The following HLCS variants were observed in gnomAD, a reference collection of about 807,000 sequenced individuals.
The protein encoded by HLCS is holocarboxylase synthetase.
In HLCS, 53 loss-of-function variants were observed where a neutral mutation model predicts 75.0. The ratio of observed to expected loss-of-function variants is 0.71; its 90% confidence interval spans 0.57 to 0.89. The LOEUF is 0.89. Ranked by LOEUF, HLCS falls within the 40% of genes least tolerant of loss-of-function variation. HLCS has a pLI of 0.00. For missense variants in HLCS, 966 were observed against 1,074.0 expected, an observed-to-expected ratio of 0.90 and a Z score of 1.41; for synonymous variants, 431 against 428.6, an observed-to-expected ratio of 1.01 and a Z score of -0.07.
Position 36,896,873 on chromosome 21 carries a change from G to A in HLCS, c.1879C>T (p.Arg627Cys), listed in dbSNP as rs112518921. 1.2e-5 allele frequency: 20 copies of A among 1,613,954 alleles called. No homozygotes were observed. Among genetic ancestry groups the A allele is most frequent in the African/African-American group, 6.7e-5 (5 of 74,908 alleles). The change falls in exon 6 of 11, where the codon CGT becomes TGT. Residue 627 changes from arginine to cysteine, a missense_variant. Coordinates refer to ENST00000674895, the MANE Select transcript of HLCS (RefSeq NM_001352514.2). ...CTCACACCTTACCCATCCAGGAGAC[G>A]CATCGTTGTGGGGGTCACTTCGGCA... ...LFAEVTPTTM[R>C]LLDGLMFQTP...
chr21:36,889,953 T>C (rs1178543905), intron 6 of HLCS, among the ~76,000 whole-genome samples: 1 of 152,158 alleles, frequency 6.6e-6, no homozygotes, highest in Non-Finnish European at 1.5e-5. Context: ...AATCCCCAGG[T>C]GCCAAGGGAG....
chr21:36,758,155 G>A (rs2089678608), intron 9 of HLCS, among the ~76,000 whole-genome samples: 1 of 152,004 alleles, frequency 6.6e-6, no homozygotes, highest in Non-Finnish European at 1.5e-5. Flanking sequence ...TGCCCAGACT[G>A]GAGTGCAGTG....
At chr21:36,804,912 GA>G (rs1248450877) in intron 6 of HLCS, among the ~76,000 whole-genome samples, 4 of 152,222 alleles carry the variant, frequency 2.6e-5, no homozygotes, top group Admixed American at 2.6e-4. Flanking sequence ...TCTATCAGCT[GA>G]TATTTGACAC....
intron 6 of HLCS, among the ~76,000 whole-genome samples, chr21:36,824,008 G>A (rs2061930476): frequency 6.6e-6 from 1 of 152,130 alleles, no homozygotes; most frequent in South Asian, 2.1e-4. Flanking sequence ...AGCCAGGCAT[G>A]GTGGCTCACG....
rs1477559548 is a variant in HLCS at position 36,748,699 on chromosome 21, C to T, written c.*5547G>A. On this transcript the variant is annotated 3_prime_UTR_variant, in exon 11 of 11. Coordinates refer to ENST00000674895, the MANE Select transcript of HLCS (RefSeq NM_001352514.2). ...AACAAACCAAGACTAAGGGGGTGAC[C>T]ATGCAATTCCATTTTGTGTCTGTGA... The T allele has an allele frequency of 6.6e-6, 1 of 152,560 alleles. No homozygotes were observed. Among genetic ancestry groups the T allele is most frequent in the African/African-American group, 2.4e-5 (1 of 41,432 alleles). The allele number at this position is 152,560 out of a possible 1,614,324, so 9.5% of individuals were successfully genotyped here.
At position 36,936,972 on chromosome 21, in the gene HLCS, G is replaced by A. The variant is rs112176097; in HGVS notation, c.914C>T (p.Thr305Met). Residue 305 changes from threonine to methionine, a missense_variant, in exon 4 of 11, where the codon ACG becomes ATG. By Grantham distance (81) the Thr-to-Met change is moderately conservative (BLOSUM62 -1). Coordinates refer to ENST00000674895, the MANE Select transcript of HLCS (RefSeq NM_001352514.2). The stretch of plus-strand genomic sequence containing the variant: ...GAGGAGGATGTTGGGTGCCTTTCCC[G>A]TGAGGTTGACTCTCCTCCCTTCTCT... ...PEREGRRVNL[T>M]GKAPNILLYV... 780 of 1,614,110 alleles carry A rather than the reference G, an allele frequency of 4.8e-4. 3 individuals carry two copies. In the African/African-American group the frequency reaches 7.8e-3, roughly 16 times the overall value.
At chr21:36,775,193 G>A (rs980244721) in intron 6 of HLCS, among the ~76,000 whole-genome samples, 2 of 152,156 alleles carry the variant, frequency 1.3e-5, no homozygotes, top group South Asian at 4.1e-4. Context: ...CCCTTCTTAC[G>A]TTTTTGGCTA....
intron 8 of HLCS, among the ~76,000 whole-genome samples, chr21:36,760,069 C>G (rs752143567): frequency 2.6e-5 from 4 of 152,196 alleles, no homozygotes; most frequent in African/African-American, 4.8e-5. Context: ...CAGCATTCTT[C>G]CCCATCCCCC....
intron 6 of HLCS, 44 bp downstream of exon 6, chr21:36,896,816 G>T: frequency 1.2e-6 from 2 of 1,606,752 alleles, no homozygotes; most frequent in South Asian, 1.1e-5. Context: ...ATGATCAATG[G>T]AACAGGACTC....
At chr21:36,899,413 CA>C (rs888394977) in intron 5 of HLCS, among the ~76,000 whole-genome samples, 1 of 152,042 alleles carries the variant, frequency 6.6e-6, no homozygotes, top group African/African-American at 2.4e-5. Flanking sequence ...CACTTGAGGC[CA>C]GGAGTTCAAG....
chr21:36,969,254 A>G (rs2068719792), upstream of HLCS, among the ~76,000 whole-genome samples: 1 of 152,226 alleles, frequency 6.6e-6, no homozygotes, highest in Non-Finnish European at 1.5e-5. Flanking sequence ...ACAAAGGAAT[A>G]GGGGAAGGAT....
chr21:36,979,280 AAAAAAAAAG>A (rs532354694), intron 1 of HLCS, among the ~76,000 whole-genome samples: 3,345 of 151,672 alleles, frequency 0.022, 77 homozygotes, highest in African/African-American at 0.06. Context: ...CTCAAAAAAA[AAAAAAAAAG>A]AAAGAAAGAA....
intron 6 of HLCS, among the ~76,000 whole-genome samples, chr21:36,858,824 C>T (rs142015339): frequency 5.8e-4 from 89 of 152,280 alleles, no homozygotes; most frequent in African/African-American, 2.0e-3. Context: ...CCATGCACAA[C>T]GCACCAGAGG....
Position 36,936,827 on chromosome 21 carries a change from G to C in HLCS, c.1059C>G (p.Leu353=), listed in dbSNP as rs765699943. Residue 353 remains leucine, a synonymous_variant, in exon 4 of 11, where the codon CTC becomes CTG. Transcript: ENST00000674895. ...ILYHLLEDSA[L]RDPWTDNCLL... is the part of the protein sequence containing the mutation. ...GACAGTTGTCCGTCCACGGGTCTCT[G>C]AGAGCACTGTCCTCCAGCAGGTGGT... 1.9e-6 allele frequency: 3 copies of C among 1,614,168 alleles called. No homozygotes were observed. Among genetic ancestry groups the C allele is most frequent in the Non-Finnish European group, 1.7e-6 (2 of 1,180,030 alleles).
intron 6 of HLCS, among the ~76,000 whole-genome samples, chr21:36,879,538 G>A (rs2064122990): frequency 6.6e-6 from 1 of 152,064 alleles, no homozygotes; most frequent in African/African-American, 2.4e-5. Context: ...AACAGTATTT[G>A]GATTCAGATT....
At chr21:36,769,952 T>G (rs1418570404) in intron 6 of HLCS, among the ~76,000 whole-genome samples, 1 of 152,066 alleles carries the variant, frequency 6.6e-6, no homozygotes, top group Non-Finnish European at 1.5e-5. Context: ...TTCACAACAG[T>G]GTTATAAAGG....
chr21:36,882,010 TGGTGGCTCACGCCTGTAATCCCA>T (rs1569140674), intron 6 of HLCS, among the ~76,000 whole-genome samples: 2 of 150,914 alleles, frequency 1.3e-5, no homozygotes, highest in African/African-American at 4.9e-5. Flanking sequence ...CGGCCGGGCA[TGGTGGCTCACGCCTGTAATCCCA>T]GCATTTTGGG....
At chr21:36,776,518 G>A (rs769491805) in intron 6 of HLCS, among the ~76,000 whole-genome samples, 3 of 152,068 alleles carry the variant, frequency 2.0e-5, no homozygotes, top group South Asian at 4.2e-4. Flanking sequence ...AGGTTTAAGC[G>A]ATTCTCCTGC....
At chr21:36,935,050 G>A (rs1428358703) in intron 4 of HLCS, among the ~76,000 whole-genome samples, 3 of 152,112 alleles carry the variant, frequency 2.0e-5, no homozygotes, top group South Asian at 2.1e-4. Context: ...TATGTAACTC[G>A]GAGAAATGGA....
Sources: allele counts gnomAD v4.1 joint callset (sites outside exome capture counted in the v4.1 genomes callset), GRCh38; gene constraint gnomAD v4.1.1; transcripts MANE v1.5; gene names NCBI Gene and HGNC (gene_info 2026-07-23, HGNC 2026-07-21).